The following TTC34 variants were observed in gnomAD, a reference collection of about 807,000 sequenced individuals.
TTC34 encodes tetratricopeptide repeat protein 34.
TTC34 carries 44 observed loss-of-function variants against 40.7 expected under a neutral mutation model. That is an observed-to-expected ratio of 1.08 (90% CI 0.85 to 1.39). TTC34 has a LOEUF of 1.39. Among genes scored for constraint, TTC34 ranks in the 40% most tolerant of loss-of-function variants. The pLI is 0.00. For synonymous variants in TTC34, 422 were observed against 398.6 expected, an observed-to-expected ratio of 1.06 and a Z score of -0.70; for missense variants, 884 against 838.0, an observed-to-expected ratio of 1.05 and a Z score of -0.68.
At position 2,750,792 on chromosome 1, in the gene TTC34, G is replaced by T. The variant is rs1400791564; in HGVS notation, c.2226+32817C>A. 3.0e-5 allele frequency among the ~76,000 whole-genome samples: 3 copies of T among 100,706 alleles called. 1 individual carries two copies. The highest frequency in any genetic ancestry group is 8.8e-5 in the African/African-American group (2 of 22,782). The allele number at this position is 100,706 out of a possible 152,430, so 66.1% of individuals were successfully genotyped here. A position where few individuals can be genotyped will look rare whatever the true frequency, so the allele number is the denominator to read the frequency against. On this transcript the variant is annotated intron_variant, in intron 6 of 8. Transcript: ENST00000401095. ...ACACAGGTGAACATCGGAGAGTCTG[G>T]AGCAGCGCCCACACCCCCAGGCGAG... is the stretch of plus-strand genomic sequence containing the variant.
chr1:2,757,904 AC>A (rs2100452615), intron 6 of TTC34, among the ~76,000 whole-genome samples: 2 of 136,930 alleles, frequency 1.5e-5, no homozygotes, highest in African/African-American at 6.0e-5. Flanking sequence ...CTGGAACAGC[AC>A]CCTGCACCCC....
intron 6 of TTC34, among the ~76,000 whole-genome samples, chr1:2,656,369 C>G (rs1639345753): frequency 2.0e-5 from 2 of 101,382 alleles, no homozygotes; most frequent in African/African-American, 4.1e-5. Context: ...TGGAACAGCA[C>G]CCACACCCAC....
chr1:2,685,981 C>A (rs1182357235), intron 6 of TTC34, among the ~76,000 whole-genome samples: 4 of 74,496 alleles, frequency 5.4e-5, no homozygotes, highest in African/African-American at 1.4e-4. Context: ...CATCTGACTG[C>A]ATGTATCAGC....
chr1:2,653,806 A>C (rs1289494404), intron 6 of TTC34, among the ~76,000 whole-genome samples: 2 of 152,350 alleles, frequency 1.3e-5, no homozygotes, highest in African/African-American at 4.8e-5. Flanking sequence ...AGCAGTGCCC[A>C]CACCCCCAGG....
intron 6 of TTC34, among the ~76,000 whole-genome samples, chr1:2,647,405 C>T (rs902988238): frequency 6.6e-6 from 1 of 152,040 alleles, no homozygotes; most frequent in Admixed American, 6.6e-5. Flanking sequence ...TGGGCAGATC[C>T]AGAGGTCAGG....
chr1:2,694,842 G>C (rs1484190501), intron 6 of TTC34, among the ~76,000 whole-genome samples: 1 of 91,992 alleles, frequency 1.1e-5, no homozygotes, highest in African/African-American at 3.6e-5. Flanking sequence ...CCCCAGGTGA[G>C]CATCTGATGG....
intron 3 of TTC34, 95 bp downstream of exon 3, chr1:2,789,408 C>T: frequency 7.9e-7 from 1 of 1,262,454 alleles, no homozygotes; most frequent in Non-Finnish European, 1.1e-6. Flanking sequence ...TGCCTCCGTT[C>T]ATTCCTTTGT....
Position 2,788,002 on chromosome 1 carries a change from C to T in TTC34, c.1629-296G>A, listed in dbSNP as rs190108545. Among the ~76,000 whole-genome samples, 7 of 152,352 alleles carry T rather than the reference C, an allele frequency of 4.6e-5. 1 individual carries two copies. The East Asian group carries it at 1.4e-3, about 29-fold the overall frequency. On this transcript the variant is annotated intron_variant, in intron 3 of 8. Coordinates refer to ENST00000401095, the Ensembl canonical transcript of TTC34. ...GCCTCAGTTTCCTTTTCTGCAAAAA[C>T]ACAGACGAACAATTTGGCCTTGCTG...
chr1:2,777,318 G>T (rs1467433777), intron 6 of TTC34, among the ~76,000 whole-genome samples: 1 of 138,402 alleles, frequency 7.2e-6, no homozygotes, highest in African/African-American at 2.8e-5. Context: ...TGACATCCTG[G>T]AACAGCACCC....
chr1:2,662,695 GTCAGCCTGGA>G (rs1639594671), intron 6 of TTC34, among the ~76,000 whole-genome samples: 2 of 69,850 alleles, frequency 2.9e-5, no homozygotes, highest in East Asian at 2.8e-4. Context: ...GCGAGCATCT[GTCAGCCTGGA>G]ACAGCACCCA....
At chr1:2,673,256 G>A (rs1328060973) in intron 6 of TTC34, among the ~76,000 whole-genome samples, 3 of 70,134 alleles carry the variant, frequency 4.3e-5, no homozygotes, top group African/African-American at 8.7e-5. Flanking sequence ...GCATCTGACA[G>A]CCTGGAGCAG....
chr1:2,693,542 C>G (rs374651054), intron 6 of TTC34, among the ~76,000 whole-genome samples: 1 of 123,702 alleles, frequency 8.1e-6, no homozygotes, highest in Non-Finnish European at 1.7e-5. Context: ...GAACGGCACC[C>G]ACACCCCCAG....
At chr1:2,749,396 C>A (rs1641243728) in intron 6 of TTC34, among the ~76,000 whole-genome samples, 10 of 117,798 alleles carry the variant, frequency 8.5e-5, no homozygotes, top group African/African-American at 3.1e-4. Flanking sequence ...TGGAACAGCA[C>A]CCTGCACCCC....
intron 6 of TTC34, among the ~76,000 whole-genome samples, chr1:2,677,728 G>C (rs150734001): frequency 3.2e-5 from 3 of 92,862 alleles, no homozygotes; most frequent in African/African-American, 8.3e-5. Flanking sequence ...ACAGCACCCT[G>C]CACCCCCAGG....
chr1:2,685,208 A>C (rs561772103), intron 6 of TTC34, among the ~76,000 whole-genome samples: 2 of 137,386 alleles, frequency 1.5e-5, no homozygotes, highest in African/African-American at 2.9e-5. Flanking sequence ...CCCCCAGGTG[A>C]GCATCTGACA....
intron 6 of TTC34, among the ~76,000 whole-genome samples, chr1:2,767,745 AG>A (rs1445129685): frequency 7.3e-6 from 1 of 137,418 alleles, no homozygotes; most frequent in Non-Finnish European, 1.6e-5. Context: ...AGAATATGAC[AG>A]AATAAAGCAG....
chr1:2,764,256 G>C (rs1210731783), intron 6 of TTC34, among the ~76,000 whole-genome samples: 1,346 of 83,136 alleles, frequency 0.016, 3 homozygotes, highest in Middle Eastern at 0.06. Context: ...GGAGCAGCAC[G>C]CACACCCCCA....
At chr1:2,789,089 A>G (rs1343293116) in intron 3 of TTC34, among the ~76,000 whole-genome samples, 2 of 152,122 alleles carry the variant, frequency 1.3e-5, no homozygotes, top group African/African-American at 4.8e-5. Flanking sequence ...AAGAACAAAA[A>G]ACAAAACAAA....
chr1:2,792,033 T>TTAA (rs1553171534), intron 2 of TTC34, among the ~76,000 whole-genome samples: 3 of 107,104 alleles, frequency 2.8e-5, no homozygotes, highest in Non-Finnish European at 5.4e-5. Context: ...TTTTTTTTTT[T>TTAA]AAAGACAGGG....
Sources: allele counts gnomAD v4.1 joint callset (sites outside exome capture counted in the v4.1 genomes callset), GRCh38; gene constraint gnomAD v4.1.1; transcripts MANE v1.5; gene names NCBI Gene and HGNC (gene_info 2026-07-23, HGNC 2026-07-21).